RBFOX1: variants seen among roughly 807,000 people sequenced by gnomAD.
The protein encoded by RBFOX1 is RNA binding fox-1 homolog 1.
RBFOX1 carries 8 observed loss-of-function variants against 57.7 expected under a neutral mutation model. That is an observed-to-expected ratio of 0.14 (90% CI 0.08 to 0.25). The LOEUF (loss-of-function observed/expected upper bound fraction) is 0.25, where lower values mean the gene tolerates loss of function less well. RBFOX1 is among the 10% of genes least tolerant of loss of function. The probability of loss-of-function intolerance (pLI) is 1.00; values close to 1 mark genes in which losing one functional copy is unlikely to be tolerated. For synonymous variants in RBFOX1, 326 were observed against 222.4 expected (o/e 1.47, Z -4.15); for missense variants, 611 against 548.5 (o/e 1.11, Z -1.14).
rs148621393 is a variant in RBFOX1, at chr16:6,897,596, A to G, written c.-15-154461A>G. Among the ~76,000 whole-genome samples the G allele has an allele frequency of 4.6e-3, 697 of 152,306 alleles. 5 individuals are homozygous for G. The highest frequency in any genetic ancestry group is 0.016 in the African/African-American group (669 of 41,568). On this transcript the variant is annotated intron_variant, in intron 3 of 15. Transcript: ENST00000550418. ...ATCACTTGAGGTCAGGAGTTTGACC[A>G]GTCTGGCCAACATGGTGAAACCCCA...
intron 4 of RBFOX1, among the ~76,000 whole-genome samples, chr16:7,265,331 G>C (rs1288764500): frequency 6.6e-6 from 1 of 151,984 alleles, no homozygotes; most frequent in African/African-American, 2.4e-5. Flanking sequence ...ATCTTCCCTT[G>C]GCAGAGAGAA....
chr16:7,217,938 ATGTGTG>A (rs757044965), intron 4 of RBFOX1, among the ~76,000 whole-genome samples: 3 of 149,682 alleles, frequency 2.0e-5, no homozygotes, highest in South Asian at 2.1e-4. Flanking sequence ...GTGTGCGTGC[ATGTGTG>A]TGTGTGTGCA....
At chr16:6,950,470 G>A (rs1022847765) in intron 3 of RBFOX1, among the ~76,000 whole-genome samples, 1 of 152,180 alleles carries the variant, frequency 6.6e-6, no homozygotes, top group African/African-American at 2.4e-5. Context: ...CAGAGTAGAT[G>A]TTTGATAAAT....
At position 6,831,962 on chromosome 16, in the gene RBFOX1, C is replaced by T. The variant is rs190813789; in HGVS notation, c.-16+177312C>T. Among the ~76,000 whole-genome samples, 17 of 152,238 alleles carry T rather than the reference C, an allele frequency of 1.1e-4. No individual in the cohort carries two copies. In the East Asian group the frequency reaches 2.3e-3, roughly 21 times the overall value. ...TGGAATAAAATTGCTATTGCAAAAA[C>T]GGGAAGATGTTGCTAATGGGAATAT... On this transcript the variant is annotated intron_variant, in intron 3 of 15. Transcript: ENST00000550418.
At chr16:7,067,107 C>A (rs909753190) in intron 4 of RBFOX1, among the ~76,000 whole-genome samples, 1 of 152,148 alleles carries the variant, frequency 6.6e-6, no homozygotes, top group Non-Finnish European at 1.5e-5. Flanking sequence ...TGAAGGGGAA[C>A]TCATATGCCA....
chr16:5,584,327 T>G (rs1418499957), intron 2 of RBFOX1, among the ~76,000 whole-genome samples: 1 of 152,222 alleles, frequency 6.6e-6, no homozygotes, highest in Non-Finnish European at 1.5e-5. Context: ...TTGAGTGCTG[T>G]GTTCAGCATC....
At chr16:7,437,446 T>C (rs1162883855) in intron 4 of RBFOX1, among the ~76,000 whole-genome samples, 1 of 152,150 alleles carries the variant, frequency 6.6e-6, no homozygotes, top group Non-Finnish European at 1.5e-5. Flanking sequence ...AAGGACACTG[T>C]TGGCGCGTTA....
chr16:7,193,823 C>T (rs543581609), intron 4 of RBFOX1, among the ~76,000 whole-genome samples: 17 of 152,136 alleles, frequency 1.1e-4, no homozygotes, highest in South Asian at 6.2e-4. Flanking sequence ...AATGTATTTA[C>T]GTAACTCAAA....
At chr16:7,530,866 G>A (rs1403650026) in intron 5 of RBFOX1, among the ~76,000 whole-genome samples, 2 of 152,156 alleles carry the variant, frequency 1.3e-5, no homozygotes, top group East Asian at 3.9e-4. Flanking sequence ...GGGTTCTCTG[G>A]CTTCTGGGCC....
At chr16:6,954,271 C>A (rs982034713) in intron 3 of RBFOX1, among the ~76,000 whole-genome samples, 1 of 152,044 alleles carries the variant, frequency 6.6e-6, no homozygotes, top group Admixed American at 6.6e-5. Context: ...GGTAGCGATT[C>A]TGGTCATCTC....
At chr16:6,024,777 C>T (rs1232050568) in intron 1 of RBFOX1, among the ~76,000 whole-genome samples, 1 of 152,258 alleles carries the variant, frequency 6.6e-6, no homozygotes, top group South Asian at 2.1e-4. Flanking sequence ...AGCCACCACG[C>T]CCAGCCTCAT....
chr16:5,634,233 A>T (rs1027614228), intron 3 of RBFOX1, among the ~76,000 whole-genome samples: 2 of 152,226 alleles, frequency 1.3e-5, no homozygotes, highest in African/African-American at 4.8e-5. Context: ...CTGGTTCAGT[A>T]CTGGCAAAGC....
At chr16:7,230,127 G>C (rs959678280) in intron 4 of RBFOX1, among the ~76,000 whole-genome samples, 3 of 151,702 alleles carry the variant, frequency 2.0e-5, no homozygotes, top group African/African-American at 7.3e-5. Flanking sequence ...TGGAAAGGAG[G>C]GAAGGAAGGC....
At chr16:6,859,117 A>ATATATATATATATATATATATATATATG (rs2058436500) in intron 3 of RBFOX1, among the ~76,000 whole-genome samples, 29 of 67,546 alleles carry the variant, frequency 4.3e-4, no homozygotes, top group African/African-American at 3.0e-3. Flanking sequence ...AAGTGTATAT[A>ATATATATATATATATATATATATATATG]TATATATATA....
intron 5 of RBFOX1, among the ~76,000 whole-genome samples, chr16:7,526,246 A>T (rs1267972884): frequency 6.6e-6 from 1 of 152,184 alleles, no homozygotes; most frequent in Non-Finnish European, 1.5e-5. Context: ...TGTCTTCCAC[A>T]AAACTGGTAC....
At chr16:6,925,292 C>A (rs976172200) in intron 3 of RBFOX1, among the ~76,000 whole-genome samples, 3 of 150,172 alleles carry the variant, frequency 2.0e-5, no homozygotes, top group Non-Finnish European at 4.4e-5. Context: ...AATCACCATG[C>A]CCATTTAACT....
At chr16:6,514,525 C>T (rs1437804144) in intron 2 of RBFOX1, among the ~76,000 whole-genome samples, 1 of 152,098 alleles carries the variant, frequency 6.6e-6, no homozygotes, top group Non-Finnish European at 1.5e-5. Flanking sequence ...ATTTGTGTTT[C>T]AATGATGTTT....
chr16:6,886,320 C>T (rs2064020264), intron 3 of RBFOX1, among the ~76,000 whole-genome samples: 1 of 151,990 alleles, frequency 6.6e-6, no homozygotes, highest in African/African-American at 2.4e-5. Context: ...CCTCGACCTC[C>T]CAAAGTGCTG....
intron 1 of RBFOX1, among the ~76,000 whole-genome samples, chr16:5,391,120 A>G (rs533083690): frequency 6.6e-6 from 1 of 152,338 alleles, no homozygotes; most frequent in East Asian, 1.9e-4. Context: ...AACCAGACAT[A>G]CACGTTAGGT....
Sources: gnomAD v4.1 joint callset for allele counts (sites outside exome capture counted in the v4.1 genomes callset) on GRCh38, gnomAD v4.1.1 for gene constraint, MANE v1.5 for transcripts, NCBI Gene and HGNC (gene_info 2026-07-23, HGNC 2026-07-21) for gene names.